Variants in TRPV4 observed in about 807,000 individuals in gnomAD.
TRPV4 encodes the protein OSM9-like transient receptor potential channel 4.
TRPV4 carries 58 observed loss-of-function variants against 84.1 expected under a neutral mutation model. The ratio of observed to expected loss-of-function variants is 0.69; its 90% CI spans 0.56 to 0.86. The LOEUF is 0.86. Among genes scored for constraint, TRPV4 ranks in the 40% least tolerant of loss-of-function variants. The probability of loss-of-function intolerance (pLI) is 0.00; values close to 1 mark genes in which losing one functional copy is unlikely to be tolerated. For synonymous variants in TRPV4, 489 were observed against 500.9 expected, an observed-to-expected ratio of 0.98 and a Z score of 0.32; for missense variants, 879 against 1,181.1, an observed-to-expected ratio of 0.74 and a Z score of 3.75.
At chr12:109,806,873 GAAAA>G (rs533116934) in intron 3 of TRPV4, among the ~76,000 whole-genome samples, 2 of 93,726 alleles carry the variant, frequency 2.1e-5, no homozygotes, top group Non-Finnish European at 2.2e-5. Context: ...AAAAAAAAAA[GAAAA>G]AAAAAAAAAA....
rs1046934743 is a variant in TRPV4, at chr12:109,786,032, G to T, written c.2336+678C>A. ...AACAAACAAAAAATGGAATTGAACT[G>T]ATCGGATGGCCTAGGAGGTGGGTTC... On this transcript the variant is annotated intron_variant, in intron 14 of 15. Coordinates refer to ENST00000261740, the MANE Select transcript of TRPV4 (RefSeq NM_021625.5). This position sits in a 1 kb window ranked among gnomAD's most constrained non-coding sequence, Gnocchi z 4.5. 6.6e-6 allele frequency among the ~76,000 whole-genome samples: 1 copy of T among 152,068 alleles called. No individual in the cohort carries two copies. The highest frequency in any genetic ancestry group is 1.5e-5 in the Non-Finnish European group (1 of 68,014).
intron 1 of TRPV4, among the ~76,000 whole-genome samples, chr12:109,830,870 T>C (rs536351973): frequency 1.3e-5 from 2 of 152,316 alleles, no homozygotes; most frequent in East Asian, 3.9e-4. Context: ...GAGCACCTAC[T>C]ATGTGCCAGG....
At chr12:109,806,127 C>T (rs999209956) in intron 3 of TRPV4, among the ~76,000 whole-genome samples, 1 of 152,224 alleles carries the variant, frequency 6.6e-6, no homozygotes, top group Non-Finnish European at 1.5e-5. Context: ...TAAACTTGTG[C>T]CTCCAAACGA....
intron 4 of TRPV4, among the ~76,000 whole-genome samples, chr12:109,801,185 C>G (rs745921433): frequency 1.3e-5 from 2 of 152,186 alleles, no homozygotes; most frequent in African/African-American, 2.4e-5. Flanking sequence ...TGGTGACTTA[C>G]ACCTGTGGTC....
chr12:109,814,480 G>A lies in TRPV4; in HGVS notation c.317C>T (p.Ser106Leu). The A allele has an allele frequency of 6.2e-7, 1 of 1,614,142 alleles. No individual in the cohort carries two copies. Among genetic ancestry groups the A allele is most frequent in the Non-Finnish European group, 8.5e-7 (1 of 1,180,002 alleles). The change falls in exon 2 of 16, where the codon TCA becomes TTA. Residue 106 changes from serine to leucine, a missense_variant. This residue lies in a region of TRPV4 where 521 missense variants were observed against 686.6 expected (regional missense o/e 0.76). Transcript: ENST00000261740. This position sits in a 1 kb window ranked among gnomAD's most constrained non-coding sequence, Gnocchi z 5.4. ...VPGPKKAPMD[S>L]LFDYGTYRHH... ...ACGATAGGTGCCGTAGTCAAACAGTGAGTCCATGGGTGCTTTCTTGGGCCC... is the reference window on the plus strand; with the variant it reads ...ACGATAGGTGCCGTAGTCAAACAGTAAGTCCATGGGTGCTTTCTTGGGCCC...
At chr12:109,789,377 T>C (rs1041591788) in intron 12 of TRPV4, among the ~76,000 whole-genome samples, 3 of 152,258 alleles carry the variant, frequency 2.0e-5, no homozygotes, top group Middle Eastern at 3.4e-3. Flanking sequence ...CTACCATTCT[T>C]AGAGGTCTTG....
rs1430379968 is a variant in TRPV4 at position 109,814,346 on chromosome 12, G to C, written c.386+65C>G. On this transcript the variant is annotated intron_variant, in intron 2 of 15. Transcript: ENST00000261740. The surrounding 1 kb of genome is among the most constrained non-coding windows in gnomAD (Gnocchi z 5.4). ...ATGGGTGGATAATAGATAGAGGGGT[G>C]GATGATGAATGGGTGAATGGATACA... 1 of 1,560,506 alleles carries C rather than the reference G, an allele frequency of 6.4e-7. No individual in the cohort carries two copies. The highest frequency in any genetic ancestry group is 8.7e-7 in the Non-Finnish European group (1 of 1,143,420).
rs752753222 is a variant in TRPV4 at position 109,800,255 on chromosome 12, T to C, written c.853+363A>G. On this transcript the variant is annotated intron_variant, in intron 5 of 15. Coordinates refer to ENST00000261740, the MANE Select transcript of TRPV4 (RefSeq NM_021625.5). ...CCACCGTGCCCAGCCATTTTTTAAA[T>C]GTTTAAAAGAGACAGGGTATTGCTA... 1.3e-3 allele frequency among the ~76,000 whole-genome samples: 195 copies of C among 152,264 alleles called. 1 individual carries two copies. The highest frequency in any genetic ancestry group is 2.8e-4 in the Non-Finnish European group (19 of 68,012).
chr12:109,814,338 A>G lies in TRPV4; in HGVS notation c.386+73T>C. 5 of 1,531,506 alleles carry G rather than the reference A, an allele frequency of 3.3e-6. No individual in the cohort carries two copies. The highest frequency in any genetic ancestry group is 4.5e-6 in the Non-Finnish European group (5 of 1,120,682). The allele number at this position is 1,531,506 out of a possible 1,614,324, so 94.9% of individuals were successfully genotyped here. On this transcript the variant is annotated intron_variant, in intron 2 of 15. Transcript: ENST00000261740. This position sits in a 1 kb window ranked among gnomAD's most constrained non-coding sequence, Gnocchi z 5.4. Reference sequence around the variant, plus strand: ...ATCGACGGATGGGTGGATAATAGATAGAGGGGTGGATGATGAATGGGTGAA... The same window carrying G: ...ATCGACGGATGGGTGGATAATAGATGGAGGGGTGGATGATGAATGGGTGAA...
chr12:109,805,361 T>G (rs546915678), intron 3 of TRPV4, among the ~76,000 whole-genome samples: 1 of 152,148 alleles, frequency 6.6e-6, no homozygotes, highest in Non-Finnish European at 1.5e-5. Context: ...CAGACACAGG[T>G]TATAGACCCA....
chr12:109,794,048 T>C (rs777408973), intron 8 of TRPV4, 26 bp from the exon 9 acceptor site: 2 of 1,573,094 alleles, frequency 1.3e-6, no homozygotes, highest in Non-Finnish European at 8.7e-7. Context: ...GGCACACAGG[T>C]CGTCACCCAG....
chr12:109,785,130 G>A (rs1219006389), intron 14 of TRPV4, among the ~76,000 whole-genome samples: 4 of 151,808 alleles, frequency 2.6e-5, no homozygotes, highest in African/African-American at 7.3e-5. Context: ...CAAGTGATCC[G>A]CCCACTTCAG....
At position 109,814,930 on chromosome 12, in the gene TRPV4, A is replaced by G; in HGVS notation, c.-31-103T>C. On this transcript the variant is annotated intron_variant, in intron 1 of 15. Coordinates refer to ENST00000261740, the MANE Select transcript of TRPV4 (RefSeq NM_021625.5). The surrounding 1 kb of genome is among the most constrained non-coding windows in gnomAD (Gnocchi z 5.4). ...AAGCAGCAGTGCTGCCAGCTGCTTC[A>G]AAGCCACCGTTGTAATGACAGGGGC... 8.7e-7 allele frequency: 1 copy of G among 1,151,916 alleles called. No individual in the cohort carries two copies. Among genetic ancestry groups the G allele is most frequent in the Admixed American group, 2.4e-5 (1 of 41,408 alleles). 71.4% of individuals were successfully genotyped at this position (1,151,916 alleles called of 1,614,324 possible).
At chr12:109,790,620 C>T (rs112286176) in intron 12 of TRPV4, among the ~76,000 whole-genome samples, 4 of 152,044 alleles carry the variant, frequency 2.6e-5, no homozygotes, top group South Asian at 2.1e-4. Flanking sequence ...CAGTGGCTCG[C>T]GCCTATAATC....
At chr12:109,806,768 G>A (rs1454389988) in intron 3 of TRPV4, among the ~76,000 whole-genome samples, 1 of 151,318 alleles carries the variant, frequency 6.6e-6, no homozygotes, top group Non-Finnish European at 1.5e-5. Context: ...GGCCGAAGCA[G>A]GAGGATTGCT....
chr12:109,799,378 AC>A (rs1357721560), intron 5 of TRPV4, among the ~76,000 whole-genome samples: 1 of 152,114 alleles, frequency 6.6e-6, no homozygotes, highest in Non-Finnish European at 1.5e-5. Context: ...CAAACTCCTG[AC>A]CTCAAGTGAT....
intron 1 of TRPV4, among the ~76,000 whole-genome samples, chr12:109,827,727 T>G (rs1480839961): frequency 2.0e-5 from 3 of 151,388 alleles, no homozygotes; most frequent in Non-Finnish European, 4.4e-5. Context: ...CATACACATA[T>G]GCACACACAT....
intron 12 of TRPV4, 131 bp from the exon 13 acceptor site, chr12:109,788,847 C>G (rs976464157): frequency 2.9e-5 from 30 of 1,023,796 alleles, no homozygotes; most frequent in Non-Finnish European, 4.1e-5. Context: ...CACGCTGACC[C>G]ATGTCACCCT....
intron 1 of TRPV4, among the ~76,000 whole-genome samples, chr12:109,828,092 G>A (rs147495268): frequency 4.6e-5 from 7 of 152,308 alleles, no homozygotes; most frequent in Admixed American, 4.6e-4. Context: ...TGGACAAGAG[G>A]GGCTGCTGTT....
Sources: gnomAD v4.1 joint callset for allele counts (sites outside exome capture counted in the v4.1 genomes callset) on GRCh38, gnomAD v4.1.1 for gene constraint, gnomAD v4.1.1 regional missense constraint, Gnocchi (gnomAD v3.1) non-coding constraint, MANE v1.5 for transcripts, NCBI Gene and HGNC (gene_info 2026-07-23, HGNC 2026-07-21) for gene names.